Variants in ANK3 observed in about 807,000 individuals in gnomAD.
ANK3 encodes the protein ankyrin-3.
In ANK3, 57 loss-of-function variants were observed where a neutral mutation model predicts 370.9. The ratio of observed to expected loss-of-function variants is 0.15; its 90% CI spans 0.12 to 0.19. ANK3 has a LOEUF of 0.19. ANK3 is among the 10% of genes least tolerant of loss of function. The pLI is 1.00. For synonymous variants in ANK3, 1,929 were observed against 1,946.3 expected, an observed-to-expected ratio of 0.99 and a Z score of 0.23; for missense variants, 4,439 against 5,302.1, an observed-to-expected ratio of 0.84 and a Z score of 5.06.
intron 2 of ANK3, among the ~76,000 whole-genome samples, chr10:60,567,610 C>A (rs1044667927): frequency 3.9e-5 from 6 of 152,170 alleles, no homozygotes; most frequent in African/African-American, 1.4e-4. Context: ...GGAGTAATTT[C>A]AACTTTTGTG....
intron 7 of ANK3, among the ~76,000 whole-genome samples, chr10:60,247,372 T>C (rs1693471473): frequency 6.6e-6 from 1 of 152,144 alleles, no homozygotes; most frequent in African/African-American, 2.4e-5. Flanking sequence ...TAAATTGTGG[T>C]AAAATATACG....
intron 1 of ANK3, among the ~76,000 whole-genome samples, chr10:60,340,124 G>A (rs2132978194): frequency 6.6e-6 from 1 of 152,284 alleles, no homozygotes; most frequent in African/African-American, 2.4e-5. Flanking sequence ...TTGTTCTGTT[G>A]CCCAGGCTAG....
chr10:60,074,032 C>T lies in ANK3; in HGVS notation c.6849G>A (p.Gly2283=), dbSNP rs898447521. 1 of 1,614,092 alleles carries T rather than the reference C, an allele frequency of 6.2e-7. No individual in the cohort carries two copies. ...VHDIMKAFQS[G]RDPSKELAGL... is the part of the protein sequence containing the mutation. ...CTGCCAGTTCTTTGGAAGGATCCCGCCCGGACTGAAAGGCCTTCATGATGT... is the reference window on the plus strand; with the variant it reads ...CTGCCAGTTCTTTGGAAGGATCCCGTCCGGACTGAAAGGCCTTCATGATGT... The change falls in exon 37 of 44, where the codon GGG becomes GGA. Residue 2283 remains glycine (G), a synonymous_variant. Transcript: ENST00000280772.
intron 8 of ANK3, among the ~76,000 whole-genome samples, chr10:60,233,198 C>T (rs944340531): frequency 6.6e-6 from 1 of 152,164 alleles, no homozygotes; most frequent in African/African-American, 2.4e-5. Context: ...CAAACATTAT[C>T]TTGATCTTTG....
chr10:60,701,346 A>G (rs2079543611), intron 1 of ANK3, among the ~76,000 whole-genome samples: 1 of 152,182 alleles, frequency 6.6e-6, no homozygotes. Context: ...GAAGGAGTGA[A>G]ATACTCATTT....
At chr10:60,059,889 C>T in intron 40 of ANK3, 1 of 1,614,194 alleles carries the variant, frequency 6.2e-7, no homozygotes. Flanking sequence ...ACTAGGGGTT[C>T]TAAGGGGAGA....
intron 1 of ANK3, among the ~76,000 whole-genome samples, chr10:60,623,162 T>C (rs2078361274): frequency 6.6e-6 from 1 of 152,164 alleles, no homozygotes. Flanking sequence ...GATTCAGGCA[T>C]GATCTTGGCT....
intron 17 of ANK3, among the ~76,000 whole-genome samples, chr10:60,182,128 T>C (rs991514121): frequency 1.3e-5 from 2 of 152,050 alleles, no homozygotes; most frequent in African/African-American, 4.8e-5. Flanking sequence ...ATATTGCCAA[T>C]GCCACTAGCT....
At chr10:60,483,992 C>A (rs1375908417) in intron 2 of ANK3, among the ~76,000 whole-genome samples, 1 of 152,116 alleles carries the variant, frequency 6.6e-6, no homozygotes, top group African/African-American at 2.4e-5. Flanking sequence ...AGATAAGGAG[C>A]CTGGACTTCC....
chr10:60,063,478 T>C (rs2081015323), intron 39 of ANK3, among the ~76,000 whole-genome samples: 1 of 152,186 alleles, frequency 6.6e-6, no homozygotes, highest in African/African-American at 2.4e-5. Context: ...ACTGGAACAG[T>C]GCGGATGGGC....
Position 60,202,898 on chromosome 10 carries a change from C to T in ANK3, c.1392+104G>A, listed in dbSNP as rs1032998744. On this transcript the variant is annotated intron_variant, in intron 12 of 43. Transcript: ENST00000280772. ...TTCCAGTCTGGGAGACAGAGCGATA[C>T]TCCAACTCTTAAAAAAATAAAAAAT... The T allele has an allele frequency of 5.4e-6, 4 of 741,292 alleles. No homozygotes were observed. The African/African-American group carries it at 7.2e-5, about 13-fold the overall frequency. The allele number at this position is 741,292 out of a possible 1,614,324, so 45.9% of individuals were successfully genotyped here.
At chr10:60,615,951 A>G (rs2078262268) in intron 1 of ANK3, among the ~76,000 whole-genome samples, 1 of 152,200 alleles carries the variant, frequency 6.6e-6, no homozygotes, top group African/African-American at 2.4e-5. Flanking sequence ...TATGTGCAAT[A>G]TGCAAATTAT....
At chr10:60,105,432 T>A (rs2092032609) in intron 28 of ANK3, among the ~76,000 whole-genome samples, 4 of 152,096 alleles carry the variant, frequency 2.6e-5, no homozygotes, top group Non-Finnish European at 5.9e-5. Flanking sequence ...CCCTGAAACA[T>A]TTTTTAAAGA....
chr10:60,704,440 C>T (rs1238639445), intron 1 of ANK3, among the ~76,000 whole-genome samples: 1 of 151,650 alleles, frequency 6.6e-6, no homozygotes, highest in Non-Finnish European at 1.5e-5. Flanking sequence ...AAATTCTGAA[C>T]GAAGTTTAGT....
intron 1 of ANK3, among the ~76,000 whole-genome samples, chr10:60,284,441 C>T (rs540230033): frequency 5.4e-4 from 82 of 152,200 alleles, no homozygotes; most frequent in African/African-American, 2.0e-3. Context: ...AGTGACTTTC[C>T]CAGGGACACA....
intron 2 of ANK3, among the ~76,000 whole-genome samples, chr10:60,562,899 A>G (rs373224592): frequency 4.0e-4 from 61 of 152,376 alleles, no homozygotes; most frequent in African/African-American, 1.5e-3. Flanking sequence ...AATTATTCAT[A>G]TGATTAACAT....
chr10:60,261,046 G>A (rs1177982290), intron 7 of ANK3, among the ~76,000 whole-genome samples: 1 of 152,202 alleles, frequency 6.6e-6, no homozygotes, highest in African/African-American at 2.4e-5. Context: ...CAGTGAGGGA[G>A]AGGTGATATT....
intron 2 of ANK3, among the ~76,000 whole-genome samples, chr10:60,418,771 C>G (rs1297085348): frequency 1.3e-5 from 2 of 150,556 alleles, no homozygotes; most frequent in Non-Finnish European, 3.0e-5. Context: ...CATTCTGTAT[C>G]TGACTTGGGA....
intron 1 of ANK3, among the ~76,000 whole-genome samples, chr10:60,368,010 G>A (rs1388092717): frequency 6.6e-6 from 1 of 152,100 alleles, no homozygotes; most frequent in Non-Finnish European, 1.5e-5. Flanking sequence ...TTTTAATAAA[G>A]AGAATAAATT....
Sources: allele counts gnomAD v4.1 joint callset (sites outside exome capture counted in the v4.1 genomes callset), GRCh38; gene constraint gnomAD v4.1.1; transcripts MANE v1.5; gene names NCBI Gene and HGNC (gene_info 2026-07-23, HGNC 2026-07-21).